The following KCNU1 variants were observed in gnomAD, a reference collection of about 807,000 sequenced individuals.
The protein encoded by KCNU1 is potassium calcium-activated channel subfamily U member 1.
KCNU1 carries 93 observed loss-of-function variants against 126.8 expected under a neutral mutation model. The ratio of observed to expected loss-of-function variants is 0.73; its 90% confidence interval spans 0.62 to 0.87. The LOEUF is 0.87. KCNU1 is among the 40% of genes least tolerant of loss of function. The probability of loss-of-function intolerance (pLI) is 0.00; values close to 1 mark genes in which losing one functional copy is unlikely to be tolerated. For synonymous variants in KCNU1, 523 were observed against 494.2 expected (o/e 1.06, Z -0.77); for missense variants, 1,330 against 1,367.1 (o/e 0.97, Z 0.43).
intron 8 of KCNU1, 70 bp downstream of exon 8, chr8:36,814,447 A>G (rs369129556): frequency 3.7e-5 from 41 of 1,100,296 alleles, no homozygotes; most frequent in South Asian, 1.6e-4. Context: ...ATGGTAATCA[A>G]TGAAACAATA....
chr8:36,890,971 G>T (rs1425063799), intron 19 of KCNU1, among the ~76,000 whole-genome samples: 1 of 151,562 alleles, frequency 6.6e-6, no homozygotes, highest in Non-Finnish European at 1.5e-5. Context: ...TCTTGTAAAT[G>T]AAATACATAT....
intron 19 of KCNU1, among the ~76,000 whole-genome samples, chr8:36,899,416 G>C (rs1807328473): frequency 6.6e-6 from 1 of 151,880 alleles, no homozygotes; most frequent in Admixed American, 6.6e-5. Flanking sequence ...AGCTGATCTT[G>C]TTTACCTTAG....
At chr8:36,812,507 A>C (rs2130451477) in intron 7 of KCNU1, among the ~76,000 whole-genome samples, 1 of 152,302 alleles carries the variant, frequency 6.6e-6, no homozygotes, top group South Asian at 2.1e-4. Flanking sequence ...TATAGCTAAT[A>C]TAAATGTTGA....
chr8:36,827,370 A>G lies in KCNU1; in HGVS notation c.1107-6184A>G, dbSNP rs973840278. On this transcript the variant is annotated intron_variant, in intron 10 of 26. Coordinates refer to ENST00000399881, the MANE Select transcript of KCNU1 (RefSeq NM_001031836.3). ...AAAGATATCAAACCCTTCATTTTGT[A>G]TGTCAGGGGAACTGCACTTTTTTGT... Among the ~76,000 whole-genome samples, 27 of 152,150 alleles carry G rather than the reference A, an allele frequency of 1.8e-4. 1 individual carries two copies. The highest frequency in any genetic ancestry group is 6.0e-4 in the African/African-American group (25 of 41,430).
chr8:36,808,242 A>C (rs920645921), intron 6 of KCNU1, among the ~76,000 whole-genome samples: 2 of 152,190 alleles, frequency 1.3e-5, no homozygotes, highest in African/African-American at 2.4e-5. Flanking sequence ...CCTTGTTATC[A>C]GTCCAGCAGT....
At chr8:36,889,338 C>CA in intron 19 of KCNU1, 2 of 473,434 alleles carry the variant, frequency 4.2e-6, no homozygotes, top group Non-Finnish European at 8.7e-6. Flanking sequence ...TTGGATCTAT[C>CA]ACCTGTCATC....
At position 36,791,519 on chromosome 8, in the gene KCNU1, ATCCTTTCT is replaced by A. The variant is rs1387069986; in HGVS notation, c.315+4095_315+4102del. 4.0e-4 allele frequency among the ~76,000 whole-genome samples: 61 copies of A among 152,218 alleles called. No homozygotes were observed. In the East Asian group the frequency reaches 0.01, roughly 26 times the overall value. On this transcript the variant is annotated intron_variant, in intron 2 of 26. Transcript: ENST00000399881. The stretch of plus-strand genomic sequence containing the variant: ...TTTGTGTTTTTGTATTCTGCCTTAA[ATCCTTTCT>A]GTAAATGCATAACCTTTTCTGTGAA...
intron 18 of KCNU1, among the ~76,000 whole-genome samples, chr8:36,855,370 T>C (rs970686126): frequency 6.6e-6 from 1 of 152,146 alleles, no homozygotes; most frequent in African/African-American, 2.4e-5. Context: ...TAGCACTAGA[T>C]ACATGCAAAT....
chr8:36,862,385 A>T (rs929313357), intron 18 of KCNU1, among the ~76,000 whole-genome samples: 6 of 152,112 alleles, frequency 3.9e-5, no homozygotes, highest in African/African-American at 1.4e-4. Flanking sequence ...TGTCTGCCTT[A>T]TCTTGCAACC....
At chr8:36,815,444 G>T (rs575255946) in intron 8 of KCNU1, among the ~76,000 whole-genome samples, 152 bp from the exon 9 acceptor site, 31 of 152,254 alleles carry the variant, frequency 2.0e-4, no homozygotes, top group Non-Finnish European at 4.0e-4. Flanking sequence ...GCTGAAATAA[G>T]GAAGAAAAAC....
intron 19 of KCNU1, among the ~76,000 whole-genome samples, chr8:36,904,389 T>C (rs1000228625): frequency 2.0e-5 from 3 of 152,034 alleles, no homozygotes; most frequent in African/African-American, 7.2e-5. Flanking sequence ...GCTAGTCACA[T>C]GGCCCCACCT....
At position 36,808,256 on chromosome 8, in the gene KCNU1, T is replaced by C. The variant is rs190190701; in HGVS notation, c.657-462T>C. Among the ~76,000 whole-genome samples, 50 of 152,276 alleles carry C rather than the reference T, an allele frequency of 3.3e-4. 1 individual carries two copies. The East Asian group carries it at 9.3e-3, about 28-fold the overall frequency. ...ACCTTGTTATCAGTCCAGCAGTCTGTGTGACTTTATATTTTTGTGTTCTGT... is the reference window on the plus strand; with the variant it reads ...ACCTTGTTATCAGTCCAGCAGTCTGCGTGACTTTATATTTTTGTGTTCTGT... On this transcript the variant is annotated intron_variant, in intron 6 of 26. Coordinates refer to ENST00000399881, the MANE Select transcript of KCNU1 (RefSeq NM_001031836.3).
chr8:36,798,656 A>G (rs1207319223), intron 2 of KCNU1, among the ~76,000 whole-genome samples: 3 of 152,192 alleles, frequency 2.0e-5, no homozygotes, highest in Non-Finnish European at 4.4e-5. Context: ...TTTCCTTTCT[A>G]TCAATCCCAG....
intron 18 of KCNU1, among the ~76,000 whole-genome samples, chr8:36,859,069 T>G (rs1360243757): frequency 1.3e-5 from 2 of 152,174 alleles, no homozygotes. Context: ...ATTTGCCAGA[T>G]GATGGCAGCA....
rs576419634 is a variant in KCNU1 at position 36,898,201 on chromosome 8, C to T, written c.2010-7507C>T. 1.8e-4 allele frequency among the ~76,000 whole-genome samples: 27 copies of T among 152,200 alleles called. 1 individual carries two copies. The East Asian group carries it at 4.8e-3, about 27-fold the overall frequency. On this transcript the variant is annotated intron_variant, in intron 19 of 26. Coordinates refer to ENST00000399881, the MANE Select transcript of KCNU1 (RefSeq NM_001031836.3). The stretch of plus-strand genomic sequence containing the variant: ...ATGGATAAGAAGACTTCACAAATAA[C>T]TTCCTATTTCTAGAGAAAAGACATT...
At chr8:36,830,365 A>G (rs1804490612) in intron 10 of KCNU1, among the ~76,000 whole-genome samples, 1 of 152,016 alleles carries the variant, frequency 6.6e-6, no homozygotes, top group African/African-American at 2.4e-5. Flanking sequence ...TTGGGTTAAA[A>G]ATATTATCTT....
intron 10 of KCNU1, among the ~76,000 whole-genome samples, chr8:36,827,883 T>A (rs1456215040): frequency 1.3e-5 from 2 of 152,116 alleles, no homozygotes; most frequent in Non-Finnish European, 2.9e-5. Context: ...TTGTAGAGAC[T>A]TGGCTTTAAG....
rs756630615 is a variant in KCNU1 at position 36,784,458 on chromosome 8, A to T, written c.48A>T (p.Lys16Asn). The T allele has an allele frequency of 4.3e-6, 7 of 1,613,574 alleles. No homozygotes were observed. The African/African-American group carries it at 9.3e-5, about 22-fold the overall frequency. ...LRNETWEDLP[K>N]MSCTTEIQAA... ...ATGAAACTTGGGAAGACTTGCCAAA[A>T]ATGTCCTGCACAACTGAGATCCAAG... is the stretch of plus-strand genomic sequence containing the variant. Residue 16 changes from lysine to asparagine, a missense_variant, in exon 1 of 27, where the codon AAA (lysine) becomes AAT (asparagine). This residue lies in a region of KCNU1 where 247 missense variants were observed against 255.4 expected (regional missense o/e 0.97). Transcript: ENST00000399881.
chr8:36,831,143 T>A (rs1448820243), intron 10 of KCNU1, among the ~76,000 whole-genome samples: 1 of 152,064 alleles, frequency 6.6e-6, no homozygotes, highest in East Asian at 1.9e-4. Context: ...CACATTTTCT[T>A]AATCCAGTCT....
Sources: allele counts gnomAD v4.1 joint callset (sites outside exome capture counted in the v4.1 genomes callset), GRCh38; gene constraint gnomAD v4.1.1; regional missense constraint gnomAD v4.1.1; transcripts MANE v1.5; gene names NCBI Gene and HGNC (gene_info 2026-07-23, HGNC 2026-07-21).